FOCAD: variants seen among roughly 807,000 people sequenced by gnomAD.
FOCAD encodes KIAA1797.
Under a neutral mutation model 225.6 loss-of-function variants are expected in FOCAD, and 198 were observed. The ratio of observed to expected loss-of-function variants is 0.88; its 90% CI spans 0.78 to 0.99. The LOEUF (loss-of-function observed/expected upper bound fraction) is 0.99, where lower values mean the gene tolerates loss of function less well. FOCAD is among the 50% of genes least tolerant of loss of function. The probability of loss-of-function intolerance (pLI) is 0.00; values close to 1 mark genes in which losing one functional copy is unlikely to be tolerated. For missense variants in FOCAD, 2,713 were observed against 2,123.6 expected, an observed-to-expected ratio of 1.28 and a Z score of -5.46; for synonymous variants, 897 against 755.0, an observed-to-expected ratio of 1.19 and a Z score of -3.08.
At chr9:20,867,057 G>T (rs763174951) in intron 18 of FOCAD, 45 bp downstream of exon 18, 3 of 1,314,260 alleles carry the variant, frequency 2.3e-6, no homozygotes, top group South Asian at 2.5e-5. Context: ...ATTTGCTAGG[G>T]TTTACAACTT....
intron 16 of FOCAD, among the ~76,000 whole-genome samples, chr9:20,864,873 C>T (rs547007896): frequency 1.2e-4 from 18 of 152,170 alleles, no homozygotes; most frequent in African/African-American, 4.1e-4. Context: ...TAGTTCTAAT[C>T]TCTGATAGGA....
intron 35 of FOCAD, among the ~76,000 whole-genome samples, chr9:20,964,965 G>T (rs1018314528): frequency 6.6e-6 from 1 of 152,110 alleles, no homozygotes; most frequent in Admixed American, 6.5e-5. Context: ...TTTTGAGAAG[G>T]TGCTGATGGG....
At chr9:20,714,076 A>G (rs1048722566) in intron 1 of FOCAD, among the ~76,000 whole-genome samples, 1 of 152,192 alleles carries the variant, frequency 6.6e-6, no homozygotes, top group African/African-American at 2.4e-5. Flanking sequence ...AAAAGGGTGG[A>G]AAGTACAGAT....
chr9:20,913,046 G>T, intron 23 of FOCAD, 92 bp downstream of exon 23: 2 of 974,500 alleles, frequency 2.1e-6, no homozygotes, highest in Non-Finnish European at 3.1e-6. Context: ...AGATTAGCAG[G>T]TTTAACCTCT....
intron 1 of FOCAD, among the ~76,000 whole-genome samples, chr9:20,715,001 GA>G (rs1371014353): frequency 1.3e-5 from 2 of 152,104 alleles, no homozygotes; most frequent in African/African-American, 4.8e-5. Flanking sequence ...ATCCACAAAA[GA>G]ATTAATTTCT....
chr9:20,833,599 C>T (rs1215901531), intron 15 of FOCAD, among the ~76,000 whole-genome samples: 2 of 152,050 alleles, frequency 1.3e-5, no homozygotes, highest in African/African-American at 4.8e-5. Context: ...TGGTGCACTT[C>T]TCTAGGCTTA....
At chr9:20,862,432 G>A (rs1399866891) in intron 15 of FOCAD, 146 bp from the exon 16 acceptor site, 1 of 763,172 alleles carries the variant, frequency 1.3e-6, no homozygotes, top group African/African-American at 1.8e-5. Flanking sequence ...TTCATTTGAG[G>A]GGTGGTACCT....
intron 16 of FOCAD, chr9:20,863,692 G>A (rs34029052): frequency 0.25 from 37,444 of 151,860 alleles, 4,965 homozygotes; most frequent in South Asian, 0.33. Context: ...TCTTATGGCT[G>A]CAGTTCACAG....
intron 27 of FOCAD, among the ~76,000 whole-genome samples, chr9:20,932,267 A>C (rs1442535793): frequency 6.6e-6 from 1 of 152,112 alleles, no homozygotes; most frequent in Non-Finnish European, 1.5e-5. Context: ...AAAATGTTTA[A>C]AAAAGTGCTC....
At chr9:20,769,783 T>C (rs540614420) in intron 7 of FOCAD, among the ~76,000 whole-genome samples, 5 of 152,200 alleles carry the variant, frequency 3.3e-5, no homozygotes, top group African/African-American at 1.2e-4. Flanking sequence ...GCTAGAAAAA[T>C]GAAAGAAAAG....
intron 1 of FOCAD, among the ~76,000 whole-genome samples, chr9:20,699,802 A>AT (rs1823777872): frequency 8.1e-6 from 1 of 123,456 alleles, no homozygotes; most frequent in African/African-American, 3.1e-5. Flanking sequence ...ATATATATAT[A>AT]TATATATATA....
At chr9:20,961,063 C>G (rs1587725423) in intron 35 of FOCAD, among the ~76,000 whole-genome samples, 1 of 151,912 alleles carries the variant, frequency 6.6e-6, no homozygotes, top group African/African-American at 2.4e-5. Context: ...TACATGTGCA[C>G]AGAATGGGAG....
At chr9:20,918,940 G>A (rs1834117601) in intron 24 of FOCAD, among the ~76,000 whole-genome samples, 1 of 152,126 alleles carries the variant, frequency 6.6e-6, no homozygotes, top group Non-Finnish European at 1.5e-5. Context: ...CCCGCTGCCA[G>A]CTTAGCTTCC....
At chr9:20,672,377 C>G (rs1466965367) in intron 2 of FOCAD, among the ~76,000 whole-genome samples, 1 of 152,150 alleles carries the variant, frequency 6.6e-6, no homozygotes, top group East Asian at 1.9e-4. Flanking sequence ...ATATCAAGCC[C>G]TATGGCCTTT....
chr9:20,760,850 A>G (rs1404294643), intron 6 of FOCAD, among the ~76,000 whole-genome samples: 2 of 152,146 alleles, frequency 1.3e-5, no homozygotes, highest in Non-Finnish European at 2.9e-5. Flanking sequence ...GTGAGCGGAG[A>G]TTGTACCACT....
chr9:20,923,906 G>GTGAGCCTCA, intron 25 of FOCAD, 138 bp downstream of exon 25: 1 of 610,198 alleles, frequency 1.6e-6, no homozygotes, highest in Non-Finnish European at 2.9e-6. Context: ...CCTTTATACT[G>GTGAGCCTCA]TGAGCCTCAG....
At chr9:20,770,732 T>A (rs1818130907) in intron 8 of FOCAD, among the ~76,000 whole-genome samples, 1 of 152,240 alleles carries the variant, frequency 6.6e-6, no homozygotes, top group Non-Finnish European at 1.5e-5. Context: ...GATCTGCTCA[T>A]TTAGTTTGCA....
intron 21 of FOCAD, among the ~76,000 whole-genome samples, chr9:20,902,835 G>A (rs746653584): frequency 1.3e-5 from 2 of 151,854 alleles, no homozygotes; most frequent in African/African-American, 4.8e-5. Context: ...ATATTGATGG[G>A]AACAGGAAAG....
At chr9:20,705,644 CTTTA>C (rs1824317350) in intron 1 of FOCAD, among the ~76,000 whole-genome samples, 1 of 150,976 alleles carries the variant, frequency 6.6e-6, no homozygotes, top group Admixed American at 6.6e-5. Context: ...AACATGAAGT[CTTTA>C]TTTAGAAAAT....
Sources: gnomAD v4.1 joint callset for allele counts (sites outside exome capture counted in the v4.1 genomes callset) on GRCh38, gnomAD v4.1.1 for gene constraint, MANE v1.5 for transcripts, NCBI Gene and HGNC (gene_info 2026-07-23, HGNC 2026-07-21) for gene names.